The following SIPA1L2 variants were observed in gnomAD, a reference collection of about 807,000 sequenced individuals.
SIPA1L2 encodes the protein signal induced proliferation associated 1 like 2, also known as signal-induced proliferation-associated 1-like protein 2.
Under a neutral mutation model 163.9 loss-of-function variants are expected in SIPA1L2, and 56 were observed. That is an observed-to-expected ratio of 0.34 (90% confidence interval 0.28 to 0.43). The LOEUF is 0.43. Among genes scored for constraint, SIPA1L2 ranks in the 20% least tolerant of loss-of-function variants. The pLI is 1.00. For synonymous variants in SIPA1L2, 877 were observed against 865.7 expected (o/e 1.01, Z -0.23); for missense variants, 1,974 against 2,193.5 (o/e 0.90, Z 2.00).
intron 1 of SIPA1L2, among the ~76,000 whole-genome samples, chr1:232,592,381 G>A (rs976057812): frequency 2.0e-5 from 3 of 152,186 alleles, no homozygotes; most frequent in African/African-American, 7.2e-5. Context: ...ATAGCTGAAT[G>A]AGACCACCTG....
chr1:232,461,277 C>T (rs2102919312), intron 9 of SIPA1L2, 116 bp from the exon 10 acceptor site: 2 of 1,292,306 alleles, frequency 1.5e-6, no homozygotes, highest in East Asian at 2.3e-5. Flanking sequence ...CCTCGCAGCC[C>T]AGCCTGTCTC....
intron 2 of SIPA1L2, among the ~76,000 whole-genome samples, chr1:232,559,108 C>A (rs1260450430): frequency 1.3e-5 from 2 of 151,996 alleles, no homozygotes; most frequent in African/African-American, 2.4e-5. Flanking sequence ...CTGAATTTAC[C>A]CCAGCAACCC....
chr1:232,501,388 T>C (rs1331829324), intron 3 of SIPA1L2, among the ~76,000 whole-genome samples: 1 of 152,210 alleles, frequency 6.6e-6, no homozygotes, highest in Non-Finnish European at 1.5e-5. Flanking sequence ...GGTCTGACAC[T>C]GACCCTACCG....
At chr1:232,602,659 C>A (rs1460383623) in intron 1 of SIPA1L2, among the ~76,000 whole-genome samples, 3 of 152,154 alleles carry the variant, frequency 2.0e-5, no homozygotes, top group Admixed American at 6.5e-5. Context: ...GCAGGGAAGG[C>A]TCATAACTAG....
intron 1 of SIPA1L2, among the ~76,000 whole-genome samples, chr1:232,628,232 A>C (rs1260339452): frequency 6.6e-6 from 1 of 152,220 alleles, no homozygotes; most frequent in Non-Finnish European, 1.5e-5. Context: ...GAAAAAATCA[A>C]ACATCCTCTG....
rs568986499 is a variant in SIPA1L2, at chr1:232,416,817, T to G, written c.4631-1192A>C. On this transcript the variant is annotated intron_variant, in intron 18 of 22. Transcript: ENST00000674635. ...AACCACTCACCCACCCTGTATTCAA[T>G]GTTGGGTGGTTTTCCTTTGGCTATG... Among the ~76,000 whole-genome samples, 10 of 152,328 alleles carry G rather than the reference T, an allele frequency of 6.6e-5. No homozygotes were observed. The South Asian group carries it at 2.1e-3, about 32-fold the overall frequency.
intron 2 of SIPA1L2, among the ~76,000 whole-genome samples, chr1:232,557,194 C>T (rs113975912): frequency 2.9e-4 from 44 of 152,242 alleles, no homozygotes; most frequent in African/African-American, 1.0e-3. Context: ...ATTCAGCAGG[C>T]GTACAGGACA....
At chr1:232,589,112 G>T (rs1247457494) in intron 1 of SIPA1L2, among the ~76,000 whole-genome samples, 1 of 152,182 alleles carries the variant, frequency 6.6e-6, no homozygotes, top group Non-Finnish European at 1.5e-5. Context: ...AAACACAGGG[G>T]CACGTTTATG....
At chr1:232,561,398 CT>C (rs1659027069) in intron 2 of SIPA1L2, 1 of 152,196 alleles carries the variant, frequency 6.6e-6, no homozygotes, top group South Asian at 2.1e-4. Flanking sequence ...TGACTGGCCC[CT>C]GATGTGTACC....
intron 18 of SIPA1L2, among the ~76,000 whole-genome samples, chr1:232,419,960 T>A (rs1254674557): frequency 6.6e-6 from 1 of 152,158 alleles, no homozygotes; most frequent in East Asian, 1.9e-4. Context: ...GTTCTATCCT[T>A]CAAAGAGCCC....
At chr1:232,550,232 G>C (rs919238602) in intron 2 of SIPA1L2, among the ~76,000 whole-genome samples, 4 of 152,198 alleles carry the variant, frequency 2.6e-5, no homozygotes, top group Admixed American at 2.0e-4. Context: ...AAGCTCAACA[G>C]AAGGTTTAAG....
intron 7 of SIPA1L2, among the ~76,000 whole-genome samples, chr1:232,475,327 T>C (rs372440835): frequency 2.2e-4 from 33 of 152,320 alleles, no homozygotes; most frequent in African/African-American, 7.9e-4. Context: ...GCTCCTCCCC[T>C]TCACCCAGAG....
In SIPA1L2 at chr1:232,460,967, C is replaced by T. The variant is rs1035541499; in HGVS notation, c.3015G>A (p.Glu1005=). ...AAGTACGGAGCAGGTCGATCATCTGCTCGTGGGTCAGAGTGGCCACGGCTA... is the reference window on the plus strand; with the variant it reads ...AAGTACGGAGCAGGTCGATCATCTGTTCGTGGGTCAGAGTGGCCACGGCTA... ...CKVAVATLTH[E]QMIDLLRTSV... Residue 1005 remains glutamate (E), a synonymous_variant, in exon 10 of 23, where the codon GAG becomes GAA. Transcript: ENST00000674635. 2 of 1,614,266 alleles carry T rather than the reference C, an allele frequency of 1.2e-6. No individual in the cohort carries two copies. Among genetic ancestry groups the T allele is most frequent in the Non-Finnish European group, 1.7e-6 (2 of 1,180,052 alleles).
chr1:232,550,578 T>A lies in SIPA1L2; in HGVS notation c.-270+23596A>T, dbSNP rs2103132774. Among the ~76,000 whole-genome samples the A allele has an allele frequency of 1.3e-5, 2 of 152,324 alleles. 1 individual carries two copies. Among genetic ancestry groups the A allele is most frequent in the South Asian group, 4.1e-4 (2 of 4,832 alleles). The stretch of plus-strand genomic sequence containing the variant: ...CAGCTGATTCTGCCTTTTGGAGCAT[T>A]AATAATTGTGGCTGTTTTTGCTACT... On this transcript the variant is annotated intron_variant, in intron 2 of 22. Transcript: ENST00000674635.
chr1:232,418,420 T>C (rs1005016311), intron 18 of SIPA1L2, among the ~76,000 whole-genome samples: 8 of 152,154 alleles, frequency 5.3e-5, no homozygotes, highest in African/African-American at 1.9e-4. Context: ...CTCTGACAAT[T>C]CCTAAGCACC....
intron 19 of SIPA1L2, among the ~76,000 whole-genome samples, chr1:232,406,970 A>G (rs1009655448): frequency 6.6e-6 from 1 of 152,232 alleles, no homozygotes; most frequent in Non-Finnish European, 1.5e-5. Context: ...TGCTTATTGC[A>G]TTGCAGAAAA....
chr1:232,561,922 C>G (rs1659058232), intron 2 of SIPA1L2, among the ~76,000 whole-genome samples: 1 of 152,232 alleles, frequency 6.6e-6, no homozygotes, highest in Non-Finnish European at 1.5e-5. Context: ...TTAGCGATTA[C>G]TAAACCTTTT....
chr1:232,449,648 G>A (rs1222926814), intron 10 of SIPA1L2, among the ~76,000 whole-genome samples: 1 of 151,874 alleles, frequency 6.6e-6, no homozygotes, highest in East Asian at 1.9e-4. Flanking sequence ...AATAGTATAT[G>A]AACATTTCTA....
At position 232,514,108 on chromosome 1, in the gene SIPA1L2, T is replaced by A. The variant is rs907581623; in HGVS notation, c.1232A>T (p.Tyr411Phe). The A allele has an allele frequency of 1.2e-6, 2 of 1,614,030 alleles. No homozygotes were observed. Among genetic ancestry groups the A allele is most frequent in the Non-Finnish European group, 1.7e-6 (2 of 1,180,020 alleles). ...TTCCCCTCCAGTCTCATTTCTAAAG[T>A]AAGGACAACTAAGGACGAGGTCGTT... ...KSNDLVLSCP[Y>F]FRNETGGEGD... is the part of the protein sequence containing the mutation. Residue 411 changes from tyrosine (Y) to phenylalanine (F), a missense_variant, in exon 3 of 23, where the codon TAC becomes TTC. Around this residue, in one of 3 missense-constraint regions of SIPA1L2, gnomAD observed 607 missense variants for 624.0 expected, o/e 0.97. Transcript: ENST00000674635.
Sources: gnomAD v4.1 joint callset for allele counts (sites outside exome capture counted in the v4.1 genomes callset) on GRCh38, gnomAD v4.1.1 for gene constraint, gnomAD v4.1.1 regional missense constraint, MANE v1.5 for transcripts, NCBI Gene and HGNC (gene_info 2026-07-23, HGNC 2026-07-21) for gene names.